COL5A3: variants seen among roughly 807,000 people sequenced by gnomAD.
COL5A3 encodes collagen type V alpha 3 chain.
In COL5A3, 172 loss-of-function variants were observed where a neutral mutation model predicts 250.0. The observed-to-expected ratio is 0.69, with a 90% confidence interval of 0.61 to 0.78. The LOEUF is 0.78. Ranked by LOEUF, COL5A3 falls within the 30% of genes least tolerant of loss-of-function variation. The pLI, the probability that COL5A3 is intolerant of heterozygous loss-of-function variation, is 0.00. For synonymous variants in COL5A3, 937 were observed against 900.4 expected (o/e 1.04, Z -0.73); for missense variants, 2,340 against 2,334.4 (o/e 1.00, Z -0.05).
intron 11 of COL5A3, chr19:9,997,052 A>T: frequency 1.9e-6 from 1 of 535,278 alleles, no homozygotes; most frequent in Non-Finnish European, 3.3e-6. Context: ...AGAGAGATGG[A>T]CGGAGGGAGA....
chr19:9,999,469 C>CTTTTTTTTTTTTTT (rs530527039), intron 8 of COL5A3, among the ~76,000 whole-genome samples: 1 of 120,400 alleles, frequency 8.3e-6, no homozygotes, highest in African/African-American at 3.4e-5. Flanking sequence ...TTTCTTTTTT[C>CTTTTTTTTTTTTTT]TTTTTTTTTT....
rs775627924 is a variant in COL5A3, at chr19:9,996,535, T to G, written c.1339-19A>C. On this transcript the variant is annotated intron_variant, in intron 12 of 66. Coordinates refer to ENST00000264828, the MANE Select transcript of COL5A3 (RefSeq NM_015719.4). Reference sequence around the variant, plus strand: ...ACTGGAACTGGGAGGAATTTAGTGGTGAGGGAAGCCCCCAGGAGAGGCCCC... The same window carrying G: ...ACTGGAACTGGGAGGAATTTAGTGGGGAGGGAAGCCCCCAGGAGAGGCCCC... The G allele has an allele frequency of 8.7e-6, 14 of 1,613,874 alleles. No homozygotes were observed. The highest frequency in any genetic ancestry group is 1.2e-5 in the Non-Finnish European group (14 of 1,179,820).
intron 4 of COL5A3, among the ~76,000 whole-genome samples, chr19:10,004,487 C>T (rs1383911192): frequency 4.6e-5 from 7 of 152,330 alleles, no homozygotes; most frequent in Non-Finnish European, 8.8e-5. Flanking sequence ...TGTGCCACCA[C>T]GCCCAGTTAA....
At chr19:9,973,048 G>C (rs369433879) in intron 50 of COL5A3, 22 bp from the exon 51 acceptor site, 1 of 1,581,222 alleles carries the variant, frequency 6.3e-7, no homozygotes, top group African/African-American at 1.3e-5. Context: ...GAGGTCAGAG[G>C]TCAGAGTGGC....
rs2086969524 is a variant in COL5A3 at position 9,979,258 on chromosome 19, C to G, written c.2767-19G>C. 1 of 1,604,640 alleles carries G rather than the reference C, an allele frequency of 6.2e-7. No individual in the cohort carries two copies. Among genetic ancestry groups the G allele is most frequent in the African/African-American group, 1.3e-5 (1 of 74,562 alleles). ...TCTTTCCCTGGTGAGGAAGAAGGCTCCTGTTGAGTGGGGGTGGCCTAGGGG... is the reference window on the plus strand; with the variant it reads ...TCTTTCCCTGGTGAGGAAGAAGGCTGCTGTTGAGTGGGGGTGGCCTAGGGG... On this transcript the variant is annotated intron_variant, in intron 38 of 66. Coordinates refer to ENST00000264828, the MANE Select transcript of COL5A3 (RefSeq NM_015719.4).
intron 24 of COL5A3, 46 bp downstream of exon 24, chr19:9,991,564 A>G: frequency 6.6e-7 from 1 of 1,511,534 alleles, no homozygotes; most frequent in Non-Finnish European, 9.0e-7. Context: ...ACAGAGTTGA[A>G]GGAAGAAGAC....
chr19:9,976,705 A>T, intron 44 of COL5A3, 94 bp from the exon 45 acceptor site: 1 of 928,508 alleles, frequency 1.1e-6, no homozygotes, highest in Non-Finnish European at 1.6e-6. Context: ...CACCCCCTTT[A>T]TGAGAACAAC....
At position 9,970,956 on chromosome 19, in the gene COL5A3, C is replaced by A. The variant is rs1204667052; in HGVS notation, c.3882+19G>T. ...CCCAACCCCCGCCTCAGCACCACACCCTCTGTTTTCCCACTCACCGGTCCC... is the reference window on the plus strand; with the variant it reads ...CCCAACCCCCGCCTCAGCACCACACACTCTGTTTTCCCACTCACCGGTCCC... On this transcript the variant is annotated intron_variant, in intron 53 of 66. Transcript: ENST00000264828. 1.9e-6 allele frequency: 3 copies of A among 1,563,778 alleles called. No homozygotes were observed. The highest frequency in any genetic ancestry group is 2.6e-6 in the Non-Finnish European group (3 of 1,158,454).
At chr19:9,975,068 T>C (rs1313658902) in intron 45 of COL5A3, among the ~76,000 whole-genome samples, 1 of 151,448 alleles carries the variant, frequency 6.6e-6, no homozygotes, top group Non-Finnish European at 1.5e-5. Flanking sequence ...TGGCTTTTTT[T>C]TTTTTTTTTT....
rs1555738978 is a variant in COL5A3 at position 9,988,852 on chromosome 19, A to AGAGAGAGAGAG, written c.2145+271_2145+272insCTCTCTCTCTC. On this transcript the variant is annotated intron_variant, in intron 27 of 66. Coordinates refer to ENST00000264828, the MANE Select transcript of COL5A3 (RefSeq NM_015719.4). ...CTGTCTCAAAAAAAAAAAAAAAAAAAAAAAAAGAAAGTAAAGAAAAGAAAA... is the reference window on the plus strand; with the variant it reads ...CTGTCTCAAAAAAAAAAAAAAAAAAAGAGAGAGAGAGAAAAAAGAAAGTAAAGAAAAGAAAA... Among the ~76,000 whole-genome samples the AGAGAGAGAGAG allele has an allele frequency of 9.8e-5, 10 of 101,824 alleles. No homozygotes were observed. In the East Asian group the frequency reaches 1.5e-3, roughly 15 times the overall value. 66.8% of individuals were successfully genotyped at this position (101,824 alleles called of 152,430 possible). A position where few individuals can be genotyped will look rare whatever the true frequency, so the allele number is the denominator to read the frequency against.
intron 4 of COL5A3, 128 bp downstream of exon 4, chr19:10,005,430 G>T: frequency 1.1e-6 from 1 of 909,256 alleles, no homozygotes. Context: ...GCATGAACTC[G>T]CTTCCCTTAG....
chr19:9,996,390 A>G, intron 13 of COL5A3, 43 bp downstream of exon 13: 1 of 1,601,876 alleles, frequency 6.2e-7, no homozygotes, highest in Non-Finnish European at 8.5e-7. Flanking sequence ...AGGCTCTATC[A>G]CTCTCTGGGG....
rs772857847 is a variant in COL5A3, at chr19:9,989,431, C to T, written c.2046+38G>A. 9.9e-6 allele frequency: 16 copies of T among 1,613,700 alleles called. No homozygotes were observed. The East Asian group carries it at 1.8e-4, about 18-fold the overall frequency. On this transcript the variant is annotated intron_variant, in intron 25 of 66. Coordinates refer to ENST00000264828, the MANE Select transcript of COL5A3 (RefSeq NM_015719.4). ...TGCCATTCCAATTCCCAAGGCTCCC[C>T]TTTCTCCTTCCTCCTTTTCCCAGCT...
intron 8 of COL5A3, among the ~76,000 whole-genome samples, chr19:9,998,926 C>G (rs1026538138): frequency 6.6e-6 from 1 of 152,030 alleles, no homozygotes; most frequent in Non-Finnish European, 1.5e-5. Context: ...TTAGGTGATC[C>G]ACCCGCCTCA....
chr19:9,973,969 G>T lies in COL5A3; in HGVS notation c.3508C>A (p.Pro1170Thr), dbSNP rs1016761364. 1.3e-6 allele frequency: 2 copies of T among 1,536,518 alleles called. No individual in the cohort carries two copies. Among genetic ancestry groups the T allele is most frequent in the African/African-American group, 2.8e-5 (2 of 72,288 alleles). ...CCCCGAGGACCTGGAGCTCCATGGG[G>T]ACCCTGTGGAAGGTCAGAATTAGTA... ...GEVGDVGSMG[P>T]HGAPGPRGPQ... The change falls in exon 48 of 67, where the codon CCC becomes ACC. Residue 1170 changes from proline (P) to threonine (T), a missense_variant. Transcript: ENST00000264828.
In COL5A3 at chr19:9,973,573, G is replaced by C. The variant is rs1259777098; in HGVS notation, c.3663C>G (p.Ile1221Met). The C allele has an allele frequency of 5.6e-6, 9 of 1,611,956 alleles. No individual in the cohort carries two copies. The highest frequency in any genetic ancestry group is 6.8e-6 in the Non-Finnish European group (8 of 1,179,010). The change falls in exon 50 of 67, where the codon ATC becomes ATG. Residue 1221 changes from isoleucine (I) to methionine (M), a missense_variant. This residue lies in a region of COL5A3 where 1,179 missense variants were observed against 1,162.6 expected (regional missense o/e 1.01). Coordinates refer to ENST00000264828, the MANE Select transcript of COL5A3 (RefSeq NM_015719.4). The stretch of plus-strand genomic sequence containing the variant: ...ACCACATCACACAGTCACTCACCGG[G>C]ATGCCTGGGGCTCCTGGAGGCCCTG... The part of the protein sequence containing the change: ...GDPGPPGAPG[I>M]PGPKGDIGEK...
intron 46 of COL5A3, 23 bp from the exon 47 acceptor site, chr19:9,974,247 T>G (rs1321307067): frequency 6.2e-7 from 1 of 1,613,468 alleles, no homozygotes. Context: ...GAAGCAAGAT[T>G]GGGGCACCAG....
At chr19:9,969,057 G>C (rs2086793005) in intron 57 of COL5A3, among the ~76,000 whole-genome samples, 1 of 152,146 alleles carries the variant, frequency 6.6e-6, no homozygotes, top group Admixed American at 6.5e-5. Context: ...TTAGAGCAGA[G>C]GGTTATAGAG....
chr19:9,999,200 A>ATTTTTT (rs144312768), intron 8 of COL5A3, among the ~76,000 whole-genome samples: 4 of 94,658 alleles, frequency 4.2e-5, no homozygotes, highest in Non-Finnish European at 8.7e-5. Flanking sequence ...TTTGCTTGGC[A>ATTTTTT]TTTTTTTTTT....
Sources: allele counts gnomAD v4.1 joint callset (sites outside exome capture counted in the v4.1 genomes callset), GRCh38; gene constraint gnomAD v4.1.1; regional missense constraint gnomAD v4.1.1; transcripts MANE v1.5; gene names NCBI Gene and HGNC (gene_info 2026-07-23, HGNC 2026-07-21).